CDH23: variants seen among roughly 807,000 people sequenced by gnomAD.
CDH23 encodes the protein cadherin related 23, also known as cadherin-23.
A neutral mutation model predicts 317.1 loss-of-function variants in CDH23; 189 were observed. That is an observed-to-expected ratio of 0.60 (90% confidence interval 0.53 to 0.67). The LOEUF is 0.67. Among genes scored for constraint, CDH23 ranks in the 30% least tolerant of loss-of-function variants. The probability of loss-of-function intolerance (pLI) is 0.00; values close to 1 mark genes in which losing one functional copy is unlikely to be tolerated. For synonymous variants in CDH23, 1,839 were observed against 1,876.8 expected, an observed-to-expected ratio of 0.98 and a Z score of 0.52; for missense variants, 4,401 against 4,592.4, an observed-to-expected ratio of 0.96 and a Z score of 1.20.
intron 19 of CDH23, among the ~76,000 whole-genome samples, chr10:71,688,776 C>G (rs1234889): frequency 1.9e-5 from 1 of 53,542 alleles, no homozygotes; most frequent in Non-Finnish European, 4.0e-5. Flanking sequence ...GATGGTGGAG[C>G]CAGGGGTGGT....
chr10:71,732,034 A>C lies in CDH23; in HGVS notation c.3763A>C (p.Lys1255Gln). Residue 1255 changes from lysine to glutamine, a missense_variant, in exon 32 of 70, where the codon AAG (lysine) becomes CAG (glutamine). Physicochemically the swap from Lys to Gln is moderately conservative, Grantham distance 53 (BLOSUM62 1). This residue lies in a region of CDH23 where 3,068 missense variants were observed against 3,203.3 expected (regional missense o/e 0.96). Coordinates refer to ENST00000224721, the MANE Select transcript of CDH23 (RefSeq NM_022124.6). The part of the protein sequence containing the change: ...NYRILSGAEG[K>Q]FEIDESTGLI... Reference sequence around the variant, plus strand: ...CCGCATCCTGTCGGGCGCAGAGGGGAAGTTTGAGATTGACGAGAGCACAGG... The same window carrying C: ...CCGCATCCTGTCGGGCGCAGAGGGGCAGTTTGAGATTGACGAGAGCACAGG... The C allele has an allele frequency of 6.2e-7, 1 of 1,613,880 alleles. No homozygotes were observed. The highest frequency in any genetic ancestry group is 1.1e-5 in the South Asian group (1 of 91,072).
chr10:71,741,466 T>G (rs1839730304), intron 37 of CDH23, among the ~76,000 whole-genome samples: 1 of 152,208 alleles, frequency 6.6e-6, no homozygotes, highest in Non-Finnish European at 1.5e-5. Context: ...AGTACCTAAC[T>G]CACAGAGTTG....
Position 71,677,489 on chromosome 10 carries a change from G to A in CDH23, c.1548G>A (p.Met516Ile), listed in dbSNP as rs778088273. Residue 516 changes from methionine (M) to isoleucine (I), a missense_variant, in exon 16 of 70, where the codon ATG becomes ATA. Transcript: ENST00000224721. Reference sequence around the variant, plus strand: ...TGGACAAGGACACGGGACTCATCATGCTGATTGCCAGGCTGGACTATGAGC... The same window carrying A: ...TGGACAAGGACACGGGACTCATCATACTGATTGCCAGGCTGGACTATGAGC... Reference protein sequence around the residue: ...FSLDKDTGLIMLIARLDYELI... With the variant: ...FSLDKDTGLIILIARLDYELI... 2 of 1,611,456 alleles carry A rather than the reference G, an allele frequency of 1.2e-6. No individual in the cohort carries two copies. Among genetic ancestry groups the A allele is most frequent in the East Asian group, 4.5e-5 (2 of 44,850 alleles).
At chr10:71,459,612 G>A (rs1330024222) in intron 3 of CDH23, among the ~76,000 whole-genome samples, 1 of 152,134 alleles carries the variant, frequency 6.6e-6, no homozygotes, top group Non-Finnish European at 1.5e-5. Context: ...CTCTCCAGGA[G>A]GAAGAGGCCT....
intron 3 of CDH23, among the ~76,000 whole-genome samples, chr10:71,507,497 G>A (rs1280665676): frequency 1.3e-5 from 2 of 152,162 alleles, no homozygotes; most frequent in Non-Finnish European, 2.9e-5. Flanking sequence ...TTCAATATCA[G>A]GCTGGCCAAC....
chr10:71,695,284 C>T, intron 21 of CDH23, 134 bp from the exon 22 acceptor site: 4 of 698,028 alleles, frequency 5.7e-6, no homozygotes, highest in South Asian at 1.6e-5. Context: ...CTGCCCAAGG[C>T]TCCCAAGGTT....
At chr10:71,629,243 T>C (rs1750891843) in intron 11 of CDH23, among the ~76,000 whole-genome samples, 1 of 151,740 alleles carries the variant, frequency 6.6e-6, no homozygotes, top group Non-Finnish European at 1.5e-5. Context: ...CAGATGCAAA[T>C]GATGTCAGGT....
At chr10:71,695,570 G>A (rs1322032670) in intron 22 of CDH23, 45 bp downstream of exon 22, 1 of 1,385,856 alleles carries the variant, frequency 7.2e-7, no homozygotes, top group Admixed American at 1.7e-5. Flanking sequence ...GCCCTTCCCA[G>A]GGGTCTGTGC....
At chr10:71,814,823 C>G (rs1842072910) in intron 69 of CDH23, 129 bp from the exon 70 acceptor site, 4 of 1,089,782 alleles carry the variant, frequency 3.7e-6, no homozygotes, top group Non-Finnish European at 5.1e-6. Flanking sequence ...GTTTGAGAAA[C>G]AGAGTCTGAC....
At chr10:71,637,120 G>C (rs1309900746) in intron 11 of CDH23, among the ~76,000 whole-genome samples, 1 of 152,302 alleles carries the variant, frequency 6.6e-6, no homozygotes, top group African/African-American at 2.4e-5. Flanking sequence ...TGATTGGGGT[G>C]AATTAAGTGA....
chr10:71,416,905 C>G (rs1267663878), intron 1 of CDH23, among the ~76,000 whole-genome samples: 2 of 152,158 alleles, frequency 1.3e-5, no homozygotes, highest in Non-Finnish European at 2.9e-5. Context: ...TCATTGCCTT[C>G]TGGCTCCCAT....
chr10:71,731,967 G>C lies in CDH23; in HGVS notation c.3716-20G>C. ...ACTCAGTTCTATCTGGGACTGCACA[G>C]CCTCTGTGTCCTCCTACAGGGGATG... On this transcript the variant is annotated intron_variant, in intron 31 of 69. Coordinates refer to ENST00000224721, the MANE Select transcript of CDH23 (RefSeq NM_022124.6). The C allele has an allele frequency of 6.2e-7, 1 of 1,609,506 alleles. No homozygotes were observed. Among genetic ancestry groups the C allele is most frequent in the South Asian group, 1.1e-5 (1 of 90,376 alleles).
chr10:71,475,402 C>T (rs1466046604), intron 3 of CDH23, among the ~76,000 whole-genome samples: 5 of 152,162 alleles, frequency 3.3e-5, no homozygotes, highest in African/African-American at 9.7e-5. Flanking sequence ...TTTCTGTTTC[C>T]TGTGTGCAGC....
chr10:71,806,855 G>A (rs1332115334), intron 57 of CDH23, among the ~76,000 whole-genome samples: 1 of 152,090 alleles, frequency 6.6e-6, no homozygotes, highest in African/African-American at 2.4e-5. Context: ...ACTACGCCCC[G>A]CCCAGCTCTG....
intron 1 of CDH23, among the ~76,000 whole-genome samples, chr10:71,405,328 A>G (rs1320889441): frequency 2.0e-5 from 3 of 151,914 alleles, no homozygotes; most frequent in African/African-American, 7.3e-5. Flanking sequence ...CACTGATGTC[A>G]TCTCCAGGGA....
At position 71,651,366 on chromosome 10, in the gene CDH23, C is replaced by CAAA. The variant is rs34501770; in HGVS notation, c.1449+4766_1449+4768dup. On this transcript the variant is annotated intron_variant, in intron 14 of 69. Transcript: ENST00000224721. ...GCAACATGGCAAAACCCTGTCTCTG[C>CAAA]AAAAAAAAAAAAAAAAAAATGCCAG... Among the ~76,000 whole-genome samples the CAAA allele has an allele frequency of 4.3e-4, 43 of 100,406 alleles. 1 individual carries two copies. The highest frequency in any genetic ancestry group is 7.0e-4 in the Non-Finnish European group (35 of 49,780). The allele number at this position is 100,406 out of a possible 152,430, so 65.9% of individuals were successfully genotyped here.
chr10:71,501,741 A>G (rs1254025981), intron 3 of CDH23, among the ~76,000 whole-genome samples: 1 of 152,188 alleles, frequency 6.6e-6, no homozygotes, highest in East Asian at 1.9e-4. Context: ...GACAAATGAG[A>G]TGGCAGGCTC....
chr10:71,731,903 G>GT, intron 31 of CDH23, 84 bp from the exon 32 acceptor site: 1 of 1,453,346 alleles, frequency 6.9e-7, no homozygotes. Context: ...CACCCAGGGG[G>GT]TATGGGTGTG....
intron 1 of CDH23, among the ~76,000 whole-genome samples, chr10:71,398,853 G>T (rs560620267): frequency 2.0e-5 from 3 of 152,294 alleles, no homozygotes; most frequent in African/African-American, 7.2e-5. Context: ...TGTGAACCAG[G>T]AAGCTCTGCC....
Sources: gnomAD v4.1 joint callset for allele counts (sites outside exome capture counted in the v4.1 genomes callset) on GRCh38, gnomAD v4.1.1 for gene constraint, gnomAD v4.1.1 regional missense constraint, MANE v1.5 for transcripts, NCBI Gene and HGNC (gene_info 2026-07-23, HGNC 2026-07-21) for gene names.